Variants in GPC6 observed in about 807,000 individuals in gnomAD.
GPC6 encodes glypican-6.
A neutral mutation model predicts 55.2 loss-of-function variants in GPC6; 14 were observed. The ratio of observed to expected loss-of-function variants is 0.25; its 90% CI spans 0.17 to 0.40. The LOEUF (loss-of-function observed/expected upper bound fraction) is 0.40, where lower values mean the gene tolerates loss of function less well. Ranked by LOEUF, GPC6 falls within the 10% of genes least tolerant of loss-of-function variation. The pLI, the probability that GPC6 is intolerant of heterozygous loss-of-function variation, is 1.00. For synonymous variants in GPC6, 278 were observed against 259.6 expected (o/e 1.07, Z -0.68); for missense variants, 641 against 708.5 (o/e 0.90, Z 1.08).
intron 2 of GPC6, among the ~76,000 whole-genome samples, chr13:93,661,233 T>G (rs1281433195): frequency 1.3e-5 from 2 of 152,126 alleles, no homozygotes; most frequent in Admixed American, 1.3e-4. Flanking sequence ...TATTATTTTT[T>G]GAGAGAGCCT....
intron 2 of GPC6, among the ~76,000 whole-genome samples, chr13:93,557,061 A>C (rs1875521314): frequency 6.6e-6 from 1 of 152,202 alleles, no homozygotes; most frequent in Non-Finnish European, 1.5e-5. Flanking sequence ...ATCTCTAAGG[A>C]ATCTGGGATA....
At chr13:93,685,363 T>G (rs1033784731) in intron 2 of GPC6, among the ~76,000 whole-genome samples, 1 of 152,116 alleles carries the variant, frequency 6.6e-6, no homozygotes, top group African/African-American at 2.4e-5. Flanking sequence ...TTGCCTTATA[T>G]CCGGGGCCAT....
At chr13:94,245,357 G>C (rs903732221) in intron 4 of GPC6, among the ~76,000 whole-genome samples, 1 of 151,626 alleles carries the variant, frequency 6.6e-6, no homozygotes, top group Non-Finnish European at 1.5e-5. Flanking sequence ...TGAGGAGTTT[G>C]AGACCAAACT....
intron 6 of GPC6, among the ~76,000 whole-genome samples, chr13:94,340,753 CAAAG>C (rs899604191): frequency 2.7e-5 from 4 of 150,786 alleles, no homozygotes; most frequent in South Asian, 4.2e-4. Flanking sequence ...TAAATGGAGA[CAAAG>C]AACACTCGTT....
intron 2 of GPC6, among the ~76,000 whole-genome samples, chr13:93,668,745 C>A (rs1235133795): frequency 6.6e-6 from 1 of 152,140 alleles, no homozygotes; most frequent in Non-Finnish European, 1.5e-5. Context: ...CTCAGCCTTG[C>A]CTACCCTGAT....
chr13:94,378,461 C>T (rs1220039847), intron 6 of GPC6, among the ~76,000 whole-genome samples: 1 of 152,124 alleles, frequency 6.6e-6, no homozygotes, highest in African/African-American at 2.4e-5. Context: ...ACCTTCCTCC[C>T]TCTTTTGTCT....
intron 1 of GPC6, among the ~76,000 whole-genome samples, chr13:93,301,795 T>C (rs182280074): frequency 2.0e-5 from 3 of 152,262 alleles, no homozygotes; most frequent in Non-Finnish European, 2.9e-5. Flanking sequence ...ATGCCTTGAC[T>C]AGTGGACGGT....
chr13:93,440,426 A>T (rs1386827809), intron 1 of GPC6, among the ~76,000 whole-genome samples: 3 of 152,172 alleles, frequency 2.0e-5, no homozygotes, highest in Non-Finnish European at 2.9e-5. Flanking sequence ...ATGGCTAATC[A>T]AATTTCACAG....
chr13:93,450,327 G>C (rs1013905549), intron 1 of GPC6, among the ~76,000 whole-genome samples: 5 of 152,174 alleles, frequency 3.3e-5, no homozygotes, highest in African/African-American at 1.2e-4. Context: ...GCAATACACT[G>C]GCTTCCTGAT....
chr13:94,191,178 A>T (rs1314128973), intron 4 of GPC6, among the ~76,000 whole-genome samples: 1 of 152,238 alleles, frequency 6.6e-6, no homozygotes, highest in Non-Finnish European at 1.5e-5. Flanking sequence ...AAGCTCTCTC[A>T]TTATTTATAC....
chr13:94,374,318 C>G (rs1879732029), intron 6 of GPC6, among the ~76,000 whole-genome samples: 1 of 151,132 alleles, frequency 6.6e-6, no homozygotes, highest in African/African-American at 2.4e-5. Flanking sequence ...TTCAGGAAAC[C>G]CATCTCACGT....
At chr13:93,217,671 A>C in the GPC6 span, among the ~76,000 whole-genome samples, 4 of 152,168 alleles carry the variant, frequency 2.6e-5, no homozygotes, top group Non-Finnish European at 5.9e-5. Flanking sequence ...TTAACCCTCC[A>C]TGGGGTTTGA....
At chr13:93,307,390 G>A (rs972643226) in intron 1 of GPC6, among the ~76,000 whole-genome samples, 1 of 152,294 alleles carries the variant, frequency 6.6e-6, no homozygotes, top group African/African-American at 2.4e-5. Context: ...CAAATGGGAA[G>A]AGGGATGAAA....
chr13:94,331,398 A>T (rs1877410584), intron 6 of GPC6, among the ~76,000 whole-genome samples: 1 of 151,956 alleles, frequency 6.6e-6, no homozygotes, highest in South Asian at 2.1e-4. Context: ...GCAACCCCTA[A>T]ATGAGGCCAG....
At chr13:94,229,542 C>T (rs182358497) in intron 4 of GPC6, among the ~76,000 whole-genome samples, 2 of 152,148 alleles carry the variant, frequency 1.3e-5, no homozygotes, top group Non-Finnish European at 1.5e-5. Flanking sequence ...TAATTACAAA[C>T]TCCACTTCAG....
chr13:93,587,789 T>C (rs1877275334), intron 2 of GPC6, among the ~76,000 whole-genome samples: 1 of 152,126 alleles, frequency 6.6e-6, no homozygotes. Context: ...CAGATGTCCA[T>C]CAAACAGCTA....
chr13:93,401,045 T>C (rs1876052385), intron 1 of GPC6, among the ~76,000 whole-genome samples: 1 of 152,172 alleles, frequency 6.6e-6, no homozygotes, highest in African/African-American at 2.4e-5. Context: ...TTTGTCTGCA[T>C]AGCATTATTC....
At chr13:93,986,941 A>C (rs1379830894) in intron 3 of GPC6, among the ~76,000 whole-genome samples, 2 of 152,196 alleles carry the variant, frequency 1.3e-5, no homozygotes, top group East Asian at 3.8e-4. Context: ...TTACTTAATG[A>C]TTGCATAATA....
At chr13:93,330,851 A>G (rs1357191553) in intron 1 of GPC6, among the ~76,000 whole-genome samples, 5 of 152,202 alleles carry the variant, frequency 3.3e-5, no homozygotes, top group African/African-American at 1.2e-4. Flanking sequence ...CAACAAAATG[A>G]TTGACATGCA....
Sources: allele counts gnomAD v4.1 joint callset (sites outside exome capture counted in the v4.1 genomes callset), GRCh38; gene constraint gnomAD v4.1.1; transcripts MANE v1.5; gene names NCBI Gene and HGNC (gene_info 2026-07-23, HGNC 2026-07-21).